RANBP2: variants seen among roughly 807,000 people sequenced by gnomAD.
The protein encoded by RANBP2 is E3 SUMO-protein ligase RanBP2.
In RANBP2, 57 loss-of-function variants were observed where a neutral mutation model predicts 303.6. That is an observed-to-expected ratio of 0.19 (90% confidence interval 0.15 to 0.23). The LOEUF is 0.23. RANBP2 is among the 10% of genes least tolerant of loss of function. RANBP2 has a pLI of 1.00. For synonymous variants in RANBP2, 1,167 were observed against 1,301.5 expected (o/e 0.90, Z 2.23); for missense variants, 3,138 against 3,780.8 (o/e 0.83, Z 4.46).
At chr2:109,020,904 G>A in the RANBP2 span, among the ~76,000 whole-genome samples, 1 of 152,198 alleles carries the variant, frequency 6.6e-6, no homozygotes, top group African/African-American at 2.4e-5. Flanking sequence ...GAAATGCTCA[G>A]ACCAAGGCTG....
chr2:109,610,264 AT>A, the RANBP2 span, among the ~76,000 whole-genome samples: 1 of 152,010 alleles, frequency 6.6e-6, no homozygotes, highest in African/African-American at 2.4e-5. Flanking sequence ...AATTTCCTGT[AT>A]TTTTAGCAGA....
the RANBP2 span, among the ~76,000 whole-genome samples, chr2:109,078,872 T>A: frequency 3.7e-4 from 56 of 150,422 alleles, no homozygotes; most frequent in African/African-American, 1.3e-3. Context: ...ACACCCGTAG[T>A]CCCAGCTACT....
chr2:109,117,486 A>G, the RANBP2 span, among the ~76,000 whole-genome samples: 3 of 152,198 alleles, frequency 2.0e-5, no homozygotes, highest in African/African-American at 7.2e-5. Context: ...AGCCCGTCGG[A>G]AAAGTGCAGT....
the RANBP2 span, among the ~76,000 whole-genome samples, chr2:109,281,879 A>T: frequency 6.6e-6 from 1 of 152,150 alleles, no homozygotes; most frequent in Non-Finnish European, 1.5e-5. Context: ...GACGGTTCCC[A>T]CTGAGAGGGA....
chr2:109,109,886 AT>A, the RANBP2 span, among the ~76,000 whole-genome samples: 1 of 152,148 alleles, frequency 6.6e-6, no homozygotes, highest in Non-Finnish European at 1.5e-5. Flanking sequence ...TTGATTTTAA[AT>A]TCTGCCACCC....
chr2:109,045,201 C>G, the RANBP2 span, among the ~76,000 whole-genome samples: 2 of 151,944 alleles, frequency 1.3e-5, no homozygotes, highest in African/African-American at 4.8e-5. Context: ...TGAAGAAGGA[C>G]AAAGAGGGTA....
At chr2:109,205,676 G>T in the RANBP2 span, among the ~76,000 whole-genome samples, 1 of 152,188 alleles carries the variant, frequency 6.6e-6, no homozygotes, top group African/African-American at 2.4e-5. Context: ...GGTCTGCACC[G>T]TATCTGCCCT....
At chr2:109,216,092 G>A in the RANBP2 span, among the ~76,000 whole-genome samples, 2 of 152,138 alleles carry the variant, frequency 1.3e-5, no homozygotes, top group Non-Finnish European at 2.9e-5. Context: ...GAGCCTGTCA[G>A]CTGCTGGAGG....
At chr2:108,730,628 C>A in intron 2 of RANBP2, 146 bp from the exon 3 acceptor site, 1 of 1,145,762 alleles carries the variant, frequency 8.7e-7, no homozygotes, top group Non-Finnish European at 1.3e-6. Context: ...ATGAGTACTT[C>A]TGAGTTATCT....
chr2:108,832,915 C>T, the RANBP2 span, among the ~76,000 whole-genome samples: 2 of 152,124 alleles, frequency 1.3e-5, no homozygotes, highest in African/African-American at 4.8e-5. Context: ...TGAATGTCAT[C>T]CCACAGATAA....
chr2:109,576,399 T>C, the RANBP2 span, among the ~76,000 whole-genome samples: 2 of 151,902 alleles, frequency 1.3e-5, no homozygotes, highest in African/African-American at 4.8e-5. Context: ...ACACCCGGCC[T>C]CAAAAAATGA....
At chr2:109,400,485 G>A in the RANBP2 span, among the ~76,000 whole-genome samples, 195 of 151,500 alleles carry the variant, frequency 1.3e-3, no homozygotes, top group South Asian at 2.9e-3. Context: ...ACACACATGC[G>A]TACAGGTGCA....
At chr2:108,750,120 T>C (rs985564302) in intron 9 of RANBP2, among the ~76,000 whole-genome samples, 11 of 152,252 alleles carry the variant, frequency 7.2e-5, no homozygotes, top group African/African-American at 2.7e-4. Context: ...CACGACAGCC[T>C]GGGCGACAGA....
At chr2:109,492,397 T>A in the RANBP2 span, among the ~76,000 whole-genome samples, 1 of 152,174 alleles carries the variant, frequency 6.6e-6, no homozygotes, top group Non-Finnish European at 1.5e-5. Context: ...GCTACTGACT[T>A]CTGCTAACCA....
chr2:109,532,262 C>T, the RANBP2 span, among the ~76,000 whole-genome samples: 14 of 152,212 alleles, frequency 9.2e-5, no homozygotes, highest in African/African-American at 3.1e-4. Context: ...ATTACAGACT[C>T]GGTCACTACC....
At chr2:109,718,610 T>A in the RANBP2 span, among the ~76,000 whole-genome samples, 1 of 152,226 alleles carries the variant, frequency 6.6e-6, no homozygotes, top group African/African-American at 2.4e-5. Context: ...AAGTACCAGG[T>A]TTCTTTTTGA....
chr2:109,640,591 G>T, the RANBP2 span, among the ~76,000 whole-genome samples: 2 of 152,000 alleles, frequency 1.3e-5, no homozygotes, highest in Non-Finnish European at 2.9e-5. Context: ...AGCCTGTGGC[G>T]GAGAAGCTTA....
chr2:109,338,874 C>G, the RANBP2 span, among the ~76,000 whole-genome samples: 1 of 152,130 alleles, frequency 6.6e-6, no homozygotes, highest in East Asian at 1.9e-4. Context: ...CCCTCAAACT[C>G]AACTCCTAAG....
At chr2:109,553,280 C>CA in the RANBP2 span, 1 of 1,575,222 alleles carries the variant, frequency 6.3e-7, no homozygotes, top group Non-Finnish European at 8.6e-7. Flanking sequence ...TATGGCGGCT[C>CA]ACGCCTGTAA....
Sources: gnomAD v4.1 joint callset for allele counts (sites outside exome capture counted in the v4.1 genomes callset) on GRCh38, gnomAD v4.1.1 for gene constraint, MANE v1.5 for transcripts, NCBI Gene and HGNC (gene_info 2026-07-23, HGNC 2026-07-21) for gene names.